Variants in OLFM3 observed in about 807,000 individuals in gnomAD.
The protein encoded by OLFM3 is olfactomedin 3.
OLFM3 carries 20 observed loss-of-function variants against 48.6 expected under a neutral mutation model. The observed-to-expected ratio is 0.41, with a 90% CI of 0.29 to 0.60. The LOEUF (loss-of-function observed/expected upper bound fraction) is 0.60, where lower values mean the gene tolerates loss of function less well. Ranked by LOEUF, OLFM3 falls within the 20% of genes least tolerant of loss-of-function variation. The pLI, the probability that OLFM3 is intolerant of heterozygous loss-of-function variation, is 0.28. For synonymous variants in OLFM3, 222 were observed against 198.1 expected (o/e 1.12, Z -1.01); for missense variants, 437 against 544.3 (o/e 0.80, Z 1.96).
At chr1:101,877,016 T>C (rs1000161625) in intron 1 of OLFM3, among the ~76,000 whole-genome samples, 4 of 151,990 alleles carry the variant, frequency 2.6e-5, no homozygotes, top group African/African-American at 7.2e-5. Flanking sequence ...ATCTGAAACA[T>C]ACTTGTTGGT....
rs141637730 is a variant in OLFM3 at position 101,910,799 on chromosome 1, G to A, written c.70-73774C>T. ...AGTACTTTAAAATTCTTTTTGATGA[G>A]GGAGTGAAGCTATGCCTAAATCCCT... On this transcript the variant is annotated intron_variant, in intron 1 of 5. Coordinates refer to ENST00000370103, the MANE Select transcript of OLFM3 (RefSeq NM_058170.4). Among the ~76,000 whole-genome samples the A allele has an allele frequency of 9.2e-3, 1,408 of 152,256 alleles. 11 individuals carry two copies. The highest frequency in any genetic ancestry group is 0.016 in the Non-Finnish European group (1,094 of 68,010).
chr1:101,850,439 G>A (rs541748432), intron 1 of OLFM3, among the ~76,000 whole-genome samples: 2 of 152,086 alleles, frequency 1.3e-5, no homozygotes, highest in Admixed American at 6.6e-5. Flanking sequence ...ATGACTCATA[G>A]GTAATTTATA....
chr1:101,866,992 T>C (rs191777658), intron 1 of OLFM3, among the ~76,000 whole-genome samples: 3 of 152,326 alleles, frequency 2.0e-5, no homozygotes, highest in Admixed American at 2.0e-4. Flanking sequence ...CAGTAGTGAC[T>C]TACTGGTCTG....
chr1:101,887,365 T>A lies in OLFM3; in HGVS notation c.70-50340A>T, dbSNP rs11806587. On this transcript the variant is annotated intron_variant, in intron 1 of 5. Transcript: ENST00000370103. The stretch of plus-strand genomic sequence containing the variant: ...TTAAAGAGCTCCTAGATATTTATAA[T>A]AAAATGGCAAACCAATAAAATATGG... 9.6e-3 allele frequency among the ~76,000 whole-genome samples: 1,461 copies of A among 152,052 alleles called. 32 individuals carry two copies. Among genetic ancestry groups the A allele is most frequent in the African/African-American group, 0.034 (1,395 of 41,534 alleles).
intron 4 of OLFM3, among the ~76,000 whole-genome samples, chr1:101,810,599 T>C (rs1654002661): frequency 6.6e-6 from 1 of 151,952 alleles, no homozygotes; most frequent in Admixed American, 6.6e-5. Flanking sequence ...CATTTCCAGG[T>C]TTTACATGCC....
chr1:101,932,418 G>A (rs780605409), intron 1 of OLFM3, among the ~76,000 whole-genome samples: 11 of 152,098 alleles, frequency 7.2e-5, no homozygotes, highest in Non-Finnish European at 1.3e-4. Context: ...GCAGATCTTC[G>A]GAGGAAAGGC....
At chr1:101,824,643 AAACAACAACAACAACAAC>A (rs149607229) in intron 4 of OLFM3, among the ~76,000 whole-genome samples, 3 of 150,530 alleles carry the variant, frequency 2.0e-5, no homozygotes, top group South Asian at 4.2e-4. Flanking sequence ...CCCACTAACC[AAACAACAACAACAACAAC>A]AACAACAACA....
At chr1:101,858,603 T>C (rs1242534247) in intron 1 of OLFM3, among the ~76,000 whole-genome samples, 2 of 151,984 alleles carry the variant, frequency 1.3e-5, no homozygotes, top group African/African-American at 2.4e-5. Flanking sequence ...TGGGAGGTGA[T>C]TGAATCATGA....
At chr1:101,944,047 TTA>T (rs971766509) in intron 1 of OLFM3, among the ~76,000 whole-genome samples, 3 of 149,390 alleles carry the variant, frequency 2.0e-5, no homozygotes, top group South Asian at 2.1e-4. Context: ...GTATATATTT[TTA>T]TATATATATA....
intron 4 of OLFM3, among the ~76,000 whole-genome samples, chr1:101,807,035 G>A (rs1653809924): frequency 6.6e-6 from 1 of 151,732 alleles, no homozygotes; most frequent in Admixed American, 6.6e-5. Context: ...AGTTTTAACT[G>A]TATTTTAAAA....
intron 1 of OLFM3, among the ~76,000 whole-genome samples, chr1:101,958,552 C>A (rs573930524): frequency 6.6e-6 from 1 of 151,978 alleles, no homozygotes; most frequent in Non-Finnish European, 1.5e-5. Flanking sequence ...TTAGCTGCAT[C>A]GTAAGTTTCT....
At position 101,929,281 on chromosome 1, in the gene OLFM3, G is replaced by C. The variant is rs116419230; in HGVS notation, c.69+67467C>G. On this transcript the variant is annotated intron_variant, in intron 1 of 5. Coordinates refer to ENST00000370103, the MANE Select transcript of OLFM3 (RefSeq NM_058170.4). ...TAAAATCAGGAAGCATTAGAATACT[G>C]CTAAGTCCTTCCAAAAGTATAGGCC... Among the ~76,000 whole-genome samples, 1,041 of 152,222 alleles carry C rather than the reference G, an allele frequency of 6.8e-3. 14 individuals are homozygous for C. The highest frequency in any genetic ancestry group is 0.023 in the African/African-American group (974 of 41,554).
At position 101,841,647 on chromosome 1, in the gene OLFM3, T is replaced by G. The variant is rs1169122067; in HGVS notation, c.70-4622A>C. ...TCTGCAATATATAGTCAGATATTCC[T>G]GTGGAAGGCACGGCAATCATTTATC... On this transcript the variant is annotated intron_variant, in intron 1 of 5. Transcript: ENST00000370103. 2.6e-5 allele frequency among the ~76,000 whole-genome samples: 4 copies of G among 152,206 alleles called. No individual in the cohort carries two copies. In the East Asian group the frequency reaches 7.7e-4, roughly 29 times the overall value.
At chr1:101,878,775 C>A (rs1233050262) in intron 1 of OLFM3, among the ~76,000 whole-genome samples, 16 of 151,868 alleles carry the variant, frequency 1.1e-4, no homozygotes, top group Admixed American at 1.1e-3. Context: ...CAGAAGCAAC[C>A]ACAGTCCTTG....
chr1:101,817,487 G>A (rs1281465964), intron 4 of OLFM3, among the ~76,000 whole-genome samples: 1 of 152,052 alleles, frequency 6.6e-6, no homozygotes, highest in Non-Finnish European at 1.5e-5. Flanking sequence ...ATTTCTTATA[G>A]TCAGTTACAA....
chr1:101,883,055 C>T (rs893755910), intron 1 of OLFM3, among the ~76,000 whole-genome samples: 7 of 151,724 alleles, frequency 4.6e-5, no homozygotes, highest in African/African-American at 1.7e-4. Flanking sequence ...TGAGTGAAGA[C>T]AGGAAGGAAC....
intron 1 of OLFM3, among the ~76,000 whole-genome samples, chr1:101,919,984 T>C (rs1031287264): frequency 5.3e-5 from 8 of 152,180 alleles, no homozygotes; most frequent in Admixed American, 4.6e-4. Flanking sequence ...GCATTGTAAT[T>C]TACCTTGACT....
chr1:101,991,810 G>C (rs1661421272), intron 1 of OLFM3, among the ~76,000 whole-genome samples: 1 of 150,918 alleles, frequency 6.6e-6, no homozygotes, highest in African/African-American at 2.4e-5. Context: ...TGAATACAGG[G>C]AGGGAAGCAG....
At chr1:101,932,449 G>A (rs978652098) in intron 1 of OLFM3, among the ~76,000 whole-genome samples, 11 of 152,152 alleles carry the variant, frequency 7.2e-5, no homozygotes, top group Non-Finnish European at 1.6e-4. Flanking sequence ...GATAGAGGGA[G>A]GACATAGACA....
Sources: gnomAD v4.1 joint callset for allele counts (sites outside exome capture counted in the v4.1 genomes callset) on GRCh38, gnomAD v4.1.1 for gene constraint, MANE v1.5 for transcripts, NCBI Gene and HGNC (gene_info 2026-07-23, HGNC 2026-07-21) for gene names.